The following TMEM131 variants were observed in gnomAD, a reference collection of about 807,000 sequenced individuals.
TMEM131 encodes 2610524E03Rik.
TMEM131 carries 66 observed loss-of-function variants against 211.6 expected under a neutral mutation model. The ratio of observed to expected loss-of-function variants is 0.31; its 90% CI spans 0.26 to 0.38. TMEM131 has a LOEUF of 0.38. TMEM131 is among the 10% of genes least tolerant of loss of function. TMEM131 has a pLI of 1.00. For missense variants in TMEM131, 2,036 were observed against 2,299.3 expected (o/e 0.89, Z 2.34); for synonymous variants, 844 against 841.3 (o/e 1.00, Z -0.06).
At chr2:97,850,598 T>C (rs1004502345) in intron 5 of TMEM131, among the ~76,000 whole-genome samples, 1 of 152,094 alleles carries the variant, frequency 6.6e-6, no homozygotes, top group African/African-American at 2.4e-5. Context: ...AAAAAACATT[T>C]ACCTATGTAA....
At chr2:97,929,260 A>G (rs1677119162) in intron 1 of TMEM131, among the ~76,000 whole-genome samples, 1 of 151,770 alleles carries the variant, frequency 6.6e-6, no homozygotes, top group South Asian at 2.1e-4. Flanking sequence ...AAATGACCAA[A>G]GCTGAAACAA....
At chr2:97,946,639 C>A (rs536388782) in intron 1 of TMEM131, among the ~76,000 whole-genome samples, 1 of 151,604 alleles carries the variant, frequency 6.6e-6, no homozygotes, top group African/African-American at 2.4e-5. Flanking sequence ...ATGTATTTAA[C>A]GATGAGTTCT....
chr2:97,826,712 A>C lies in TMEM131; in HGVS notation c.1074+6653T>G, dbSNP rs531875491. On this transcript the variant is annotated intron_variant, in intron 11 of 40. Coordinates refer to ENST00000186436, the MANE Select transcript of TMEM131 (RefSeq NM_015348.2). ...AAGAAGTCAAAGAGAAAGAAAAAGAAATGGAAGTAGTAAAGAAAAAAGTGT... is the reference window on the plus strand; with the variant it reads ...AAGAAGTCAAAGAGAAAGAAAAAGACATGGAAGTAGTAAAGAAAAAAGTGT... 2.6e-5 allele frequency among the ~76,000 whole-genome samples: 4 copies of C among 152,316 alleles called. No homozygotes were observed. The East Asian group carries it at 5.8e-4, about 22-fold the overall frequency.
chr2:97,827,051 A>G lies in TMEM131; in HGVS notation c.1074+6314T>C, dbSNP rs1573421452. 2.3e-5 allele frequency among the ~76,000 whole-genome samples: 3 copies of G among 131,406 alleles called. No individual in the cohort carries two copies. The South Asian group carries it at 7.3e-4, about 32-fold the overall frequency. The allele number at this position is 131,406 out of a possible 152,430, so 86.2% of individuals were successfully genotyped here. A position where few individuals can be genotyped will look rare whatever the true frequency, so the allele number is the denominator to read the frequency against. ...ATTAAGGGAAAAAGACACAATGGGT[A>G]TTCAGTAAGTGATAAGCAAAAAAAA... On this transcript the variant is annotated intron_variant, in intron 11 of 40. Transcript: ENST00000186436.
intron 32 of TMEM131, 147 bp from the exon 33 acceptor site, chr2:97,772,571 C>A: frequency 1.0e-6 from 1 of 997,476 alleles, no homozygotes. Flanking sequence ...AATCTGTCTT[C>A]ACTGCGGTTC....
chr2:97,910,129 C>T (rs962980205), intron 2 of TMEM131, among the ~76,000 whole-genome samples: 1 of 152,128 alleles, frequency 6.6e-6, no homozygotes, highest in African/African-American at 2.4e-5. Flanking sequence ...AAAAGATGCT[C>T]AACATCACTA....
chr2:97,861,531 G>C (rs1162025642), intron 4 of TMEM131, among the ~76,000 whole-genome samples: 1 of 151,912 alleles, frequency 6.6e-6, no homozygotes, highest in Non-Finnish European at 1.5e-5. Context: ...TTTACCACAA[G>C]CTGACTGAAG....
chr2:97,874,813 C>G (rs1207682250), intron 4 of TMEM131, among the ~76,000 whole-genome samples: 2 of 152,122 alleles, frequency 1.3e-5, no homozygotes, highest in Non-Finnish European at 2.9e-5. Context: ...GAAACTGCAA[C>G]TAACAGGCAA....
intron 31 of TMEM131, among the ~76,000 whole-genome samples, chr2:97,788,205 GAA>G (rs988691470): frequency 1.3e-5 from 2 of 152,142 alleles, no homozygotes; most frequent in East Asian, 1.9e-4. Flanking sequence ...GTACAAGTGA[GAA>G]AGTGACACAA....
chr2:97,871,348 T>C (rs528431942), intron 4 of TMEM131, among the ~76,000 whole-genome samples: 3 of 152,234 alleles, frequency 2.0e-5, no homozygotes, highest in African/African-American at 4.8e-5. Flanking sequence ...ATTTAGTTTA[T>C]AGTTTAACAT....
At chr2:97,838,709 C>CT (rs1274848208) in intron 7 of TMEM131, among the ~76,000 whole-genome samples, 1 of 152,118 alleles carries the variant, frequency 6.6e-6, no homozygotes, top group Non-Finnish European at 1.5e-5. Context: ...TCCCAAAGTG[C>CT]TGGGATTACA....
chr2:97,846,029 C>T (rs1408647293), intron 5 of TMEM131, among the ~76,000 whole-genome samples: 6 of 152,198 alleles, frequency 3.9e-5, no homozygotes, highest in Non-Finnish European at 1.5e-5. Context: ...AAAGCTCACT[C>T]AAACTGAAAT....
chr2:97,762,002 A>C, intron 36 of TMEM131, 33 bp downstream of exon 36: 1 of 1,526,588 alleles, frequency 6.6e-7, no homozygotes, highest in South Asian at 1.3e-5. Context: ...GCACATTTCA[A>C]GCTGAGAACC....
chr2:97,846,399 C>G (rs962848584), intron 5 of TMEM131, among the ~76,000 whole-genome samples: 7 of 152,102 alleles, frequency 4.6e-5, no homozygotes, highest in African/African-American at 1.4e-4. Context: ...ATTCAAAAAT[C>G]AAATCAATGT....
At chr2:97,971,582 A>G (rs1573634219) in intron 1 of TMEM131, among the ~76,000 whole-genome samples, 1 of 152,256 alleles carries the variant, frequency 6.6e-6, no homozygotes, top group Non-Finnish European at 1.5e-5. Flanking sequence ...CTGAAATTAA[A>G]ATAAGCTACT....
chr2:97,915,667 C>T (rs1176773438), intron 2 of TMEM131, among the ~76,000 whole-genome samples: 1 of 152,038 alleles, frequency 6.6e-6, no homozygotes, highest in Admixed American at 6.5e-5. Flanking sequence ...TTAAATTCAT[C>T]GATCTTTCCT....
intron 3 of TMEM131, 45 bp downstream of exon 3, chr2:97,908,613 A>G (rs199711120): frequency 2.0e-6 from 3 of 1,475,654 alleles, no homozygotes; most frequent in Non-Finnish European, 2.8e-6. Flanking sequence ...GGAATCCCCC[A>G]GAAGGAACCG....
intron 25 of TMEM131, among the ~76,000 whole-genome samples, chr2:97,801,507 G>A (rs1361922443): frequency 6.6e-6 from 1 of 152,174 alleles, no homozygotes; most frequent in African/African-American, 2.4e-5. Flanking sequence ...TTCATGGATG[G>A]CTTACAATTT....
chr2:97,788,670 A>G (rs1303836983), intron 31 of TMEM131, among the ~76,000 whole-genome samples: 4 of 152,110 alleles, frequency 2.6e-5, no homozygotes, highest in Non-Finnish European at 2.9e-5. Context: ...ACAGTGCAGG[A>G]GTTAGAATCA....
Sources: allele counts gnomAD v4.1 joint callset (sites outside exome capture counted in the v4.1 genomes callset), GRCh38; gene constraint gnomAD v4.1.1; transcripts MANE v1.5; gene names NCBI Gene and HGNC (gene_info 2026-07-23, HGNC 2026-07-21).